VSTM2L: variants seen among roughly 807,000 people sequenced by gnomAD.
VSTM2L encodes V-set and transmembrane domain containing 2 like, also known as V-set and transmembrane domain-containing protein 2-like protein.
VSTM2L carries 9 observed loss-of-function variants against 19.9 expected under a neutral mutation model. That is an observed-to-expected ratio of 0.45 (90% CI 0.27 to 0.79). The LOEUF (loss-of-function observed/expected upper bound fraction) is 0.79, where lower values mean the gene tolerates loss of function less well. Ranked by LOEUF, VSTM2L falls within the 30% of genes least tolerant of loss-of-function variation. The pLI is 0.15. For missense variants in VSTM2L, 286 were observed against 295.5 expected (o/e 0.97, Z 0.24); for synonymous variants, 127 against 133.8 (o/e 0.95, Z 0.35).
chr20:37,931,759 G>T lies in VSTM2L; in HGVS notation c.246G>T (p.Arg82=). 6.2e-7 allele frequency: 1 copy of T among 1,613,932 alleles called. No individual in the cohort carries two copies. Among genetic ancestry groups the T allele is most frequent in the Admixed American group, 1.7e-5 (1 of 60,026 alleles). Residue 82 remains arginine, a synonymous_variant, in exon 2 of 4, where the codon CGG becomes CGT. Transcript: ENST00000373461. ...TGGAGATCCAGTGGTGGTATGTACG[G>T]AGCCACCGGGACTGGACCGACAAGC... ...YSLEIQWWYV[R]SHRDWTDKQA... is the part of the protein sequence containing the mutation.
In VSTM2L at chr20:37,917,473, C is replaced by T. The variant is rs370873795; in HGVS notation, c.121+14002C>T. On this transcript the variant is annotated intron_variant, in intron 1 of 3. Coordinates refer to ENST00000373461, the MANE Select transcript of VSTM2L (RefSeq NM_080607.3). ...AGGAGTGGGTTCCACCAGGGAACAG[C>T]GGTTGTTGTGGACCTTCTGGGTGCT... Among the ~76,000 whole-genome samples the T allele has an allele frequency of 2.5e-4, 38 of 152,316 alleles. 2 individuals carry two copies. Among genetic ancestry groups the T allele is most frequent in the Admixed American group, 1.6e-3 (25 of 15,304 alleles).
At chr20:37,938,755 G>T (rs1301568932) in intron 3 of VSTM2L, among the ~76,000 whole-genome samples, 1 of 152,240 alleles carries the variant, frequency 6.6e-6, no homozygotes, top group East Asian at 1.9e-4. Flanking sequence ...CCATGCGGGG[G>T]TCCCTTTCTT....
In VSTM2L at chr20:37,944,287, C is replaced by T. The variant is rs758855260; in HGVS notation, c.*34C>T. 78 of 1,454,568 alleles carry T rather than the reference C, an allele frequency of 5.4e-5. No individual in the cohort carries two copies. Among genetic ancestry groups the T allele is most frequent in the East Asian group, 1.8e-4 (7 of 39,798 alleles). The allele number at this position is 1,454,568 out of a possible 1,614,324, so 90.1% of individuals were successfully genotyped here. On this transcript the variant is annotated 3_prime_UTR_variant, in exon 4 of 4. Transcript: ENST00000373461. ...CCCTGCCCCCGCCCATCCGCCCCCA[C>T]GCTGTACAGAGTGCATGAGGAGCCG...
chr20:37,943,130 C>T (rs983538667), intron 3 of VSTM2L, among the ~76,000 whole-genome samples: 6 of 151,960 alleles, frequency 3.9e-5, no homozygotes, highest in African/African-American at 9.7e-5. Context: ...ACCACACCCC[C>T]GGCTAGTTTT....
At position 37,921,838 on chromosome 20, in the gene VSTM2L, C is replaced by CTTT. The variant is rs756122087; in HGVS notation, c.122-9777_122-9775dup. ...TTTCTCTCTTTCTTTCTTTCTTTTC[C>CTTT]TTTTTTTTTTTTTTTTTTTTTTGAG... On this transcript the variant is annotated intron_variant, in intron 1 of 3. Transcript: ENST00000373461. Among the ~76,000 whole-genome samples, 482 of 91,762 alleles carry CTTT rather than the reference C, an allele frequency of 5.3e-3. 16 individuals carry two copies. Among genetic ancestry groups the CTTT allele is most frequent in the African/African-American group, 0.014 (265 of 19,344 alleles). 60.2% of individuals were successfully genotyped at this position (91,762 alleles called of 152,430 possible).
At chr20:37,942,241 G>A (rs2072976564) in intron 3 of VSTM2L, among the ~76,000 whole-genome samples, 1 of 152,232 alleles carries the variant, frequency 6.6e-6, no homozygotes, top group African/African-American at 2.4e-5. Flanking sequence ...TGGCACTTCG[G>A]GAGGCTGAGG....
At chr20:37,929,116 G>A (rs375391199) in intron 1 of VSTM2L, among the ~76,000 whole-genome samples, 68 of 152,262 alleles carry the variant, frequency 4.5e-4, no homozygotes, top group African/African-American at 1.6e-3. Context: ...AGGTGGTCAG[G>A]GCAGGCCTCC....
chr20:37,915,186 G>C (rs2072810789), intron 1 of VSTM2L, among the ~76,000 whole-genome samples: 1 of 152,146 alleles, frequency 6.6e-6, no homozygotes, highest in Non-Finnish European at 1.5e-5. Context: ...GTCGGACAGC[G>C]GCTGAGGGCC....
At chr20:37,915,613 A>T (rs1346592569) in intron 1 of VSTM2L, among the ~76,000 whole-genome samples, 1 of 152,044 alleles carries the variant, frequency 6.6e-6, no homozygotes, top group Non-Finnish European at 1.5e-5. Flanking sequence ...AAGCTCAGAG[A>T]TTCACCTACC....
intron 1 of VSTM2L, among the ~76,000 whole-genome samples, chr20:37,926,180 G>A (rs1024914621): frequency 4.6e-5 from 7 of 152,164 alleles, no homozygotes; most frequent in Non-Finnish European, 1.5e-5. Flanking sequence ...TCCTGCCTCA[G>A]CCTAACAAGT....
At chr20:37,935,271 G>T (rs1489754689) in intron 3 of VSTM2L, among the ~76,000 whole-genome samples, 1 of 152,178 alleles carries the variant, frequency 6.6e-6, no homozygotes, top group Admixed American at 6.5e-5. Context: ...CTGGGGCTCC[G>T]AGGGTCTGGT....
At position 37,936,924 on chromosome 20, in the gene VSTM2L, T is replaced by TA. The variant is rs373948819; in HGVS notation, c.342+3347dup. On this transcript the variant is annotated intron_variant, in intron 3 of 3. Coordinates refer to ENST00000373461, the MANE Select transcript of VSTM2L (RefSeq NM_080607.3). ...AGCGAGCAGGATGTGGGCAAGGGAATAAAAAAAAAAAATCAGATGCTGGGC... is the reference window on the plus strand; with the variant it reads ...AGCGAGCAGGATGTGGGCAAGGGAATAAAAAAAAAAAAATCAGATGCTGGGC... Among the ~76,000 whole-genome samples the TA allele has an allele frequency of 4.1e-3, 588 of 145,036 alleles. 3 individuals are homozygous for TA. Among genetic ancestry groups the TA allele is most frequent in the African/African-American group, 0.012 (487 of 39,570 alleles).
chr20:37,907,337 G>A (rs1007999804), intron 1 of VSTM2L, among the ~76,000 whole-genome samples: 1 of 152,112 alleles, frequency 6.6e-6, no homozygotes, highest in African/African-American at 2.4e-5. Context: ...GAACTCCTGG[G>A]CTCAAGCCAT....
chr20:37,916,209 T>C (rs916633396), intron 1 of VSTM2L, among the ~76,000 whole-genome samples: 2 of 152,198 alleles, frequency 1.3e-5, no homozygotes, highest in African/African-American at 4.8e-5. Context: ...CTCACCCCAC[T>C]AGCTTTGCAG....
intron 3 of VSTM2L, among the ~76,000 whole-genome samples, chr20:37,935,468 C>G (rs1404722492): frequency 6.6e-6 from 1 of 152,166 alleles, no homozygotes; most frequent in Non-Finnish European, 1.5e-5. Context: ...TCTTGCCTGA[C>G]CTCACCCCCC....
intron 3 of VSTM2L, among the ~76,000 whole-genome samples, chr20:37,939,463 T>C (rs1369244237): frequency 6.6e-6 from 1 of 152,096 alleles, no homozygotes; most frequent in East Asian, 1.9e-4. Context: ...GAAAGAAAGA[T>C]TGATGAAACT....
chr20:37,910,730 A>C (rs907593203), intron 1 of VSTM2L, among the ~76,000 whole-genome samples: 1 of 151,102 alleles, frequency 6.6e-6, no homozygotes, highest in Admixed American at 6.6e-5. Context: ...CCTGGACAAC[A>C]TAGTGGACCC....
At chr20:37,933,037 C>T (rs1206415460) in intron 2 of VSTM2L, among the ~76,000 whole-genome samples, 2 of 152,208 alleles carry the variant, frequency 1.3e-5, no homozygotes, top group African/African-American at 4.8e-5. Flanking sequence ...CAGAGAAAGC[C>T]CTTAGGCAAA....
intron 1 of VSTM2L, among the ~76,000 whole-genome samples, chr20:37,912,147 G>T (rs2072783620): frequency 6.6e-6 from 1 of 152,220 alleles, no homozygotes; most frequent in Non-Finnish European, 1.5e-5. Flanking sequence ...CTTGCCTGAG[G>T]ACACACAGAT....
Sources: gnomAD v4.1 joint callset for allele counts (sites outside exome capture counted in the v4.1 genomes callset) on GRCh38, gnomAD v4.1.1 for gene constraint, MANE v1.5 for transcripts, NCBI Gene and HGNC (gene_info 2026-07-23, HGNC 2026-07-21) for gene names.